Variants in TRMT11 observed in about 807,000 individuals in gnomAD.
The protein encoded by TRMT11 is tRNA (guanine(10)-N(2))-methyltransferase TRMT11.
TRMT11 carries 53 observed loss-of-function variants against 62.8 expected under a neutral mutation model. The observed-to-expected ratio is 0.84, with a 90% confidence interval of 0.68 to 1.06. The LOEUF is 1.06. Ranked by LOEUF, TRMT11 falls within the 50% of genes least tolerant of loss-of-function variation. TRMT11 has a pLI of 0.00. For missense variants in TRMT11, 556 were observed against 553.4 expected (o/e 1.00, Z -0.05); for synonymous variants, 188 against 190.3 (o/e 0.99, Z 0.10).
At chr6:126,252,969 TTA>T in the TRMT11 span, among the ~76,000 whole-genome samples, 1 of 152,184 alleles carries the variant, frequency 6.6e-6, no homozygotes, top group Non-Finnish European at 1.5e-5. Context: ...CTTTTGCAGT[TTA>T]TGTGTGTGTT....
chr6:126,195,533 T>C (rs1365875628), intron 1 of TRMT11, among the ~76,000 whole-genome samples: 1 of 152,232 alleles, frequency 6.6e-6, no homozygotes. Context: ...TCTGGCATTT[T>C]TCTGTCTGGG....
rs557443278 is a variant in TRMT11 at position 126,166,299 on chromosome 6, G to A, written c.*1824-8526G>A. On this transcript the variant is annotated intron_variant and NMD_transcript_variant, in intron 21 of 22. Transcript: ENST00000648977. ...TATCTACCTTTGGTCTTTGGTGTTG[G>A]AGGTCTTTGGATGGGGTTTTTGCAT... Among the ~76,000 whole-genome samples the A allele has an allele frequency of 3.9e-5, 6 of 152,196 alleles. No individual in the cohort carries two copies. The East Asian group carries it at 1.2e-3, about 29-fold the overall frequency.
chr6:126,011,518 T>A lies in TRMT11; in HGVS notation c.925+101T>A, dbSNP rs1022794302. 3.1e-6 allele frequency: 3 copies of A among 975,154 alleles called. No homozygotes were observed. In the African/African-American group the frequency reaches 5.0e-5, roughly 16 times the overall value. The allele number at this position is 975,154 out of a possible 1,614,324, so 60.4% of individuals were successfully genotyped here. A position where few individuals can be genotyped will look rare whatever the true frequency, so the allele number is the denominator to read the frequency against. On this transcript the variant is annotated intron_variant, in intron 9 of 12. Coordinates refer to ENST00000334379, the MANE Select transcript of TRMT11 (RefSeq NM_001031712.3). ...CCAACACATGCACAAAATGCCAACT[T>A]GTCAGTATTTCTCCCATCTACCCCC...
At chr6:126,075,449 C>T (rs1042514702) in intron 17 of TRMT11, among the ~76,000 whole-genome samples, 7 of 151,844 alleles carry the variant, frequency 4.6e-5, no homozygotes, top group African/African-American at 1.5e-4. Flanking sequence ...TCATGAGATC[C>T]GATTGTTTAA....
At chr6:126,087,190 A>G (rs965923681) in intron 17 of TRMT11, among the ~76,000 whole-genome samples, 5 of 152,252 alleles carry the variant, frequency 3.3e-5, no homozygotes, top group Non-Finnish European at 5.9e-5. Context: ...AACCGAATAC[A>G]CTGTTCTTCA....
intron 21 of TRMT11, among the ~76,000 whole-genome samples, chr6:126,164,361 C>A (rs1004541997): frequency 1.3e-5 from 2 of 152,036 alleles, no homozygotes; most frequent in Admixed American, 1.3e-4. Context: ...GATTTCTGTT[C>A]TTTTGCAGTT....
At chr6:126,272,173 A>G in the TRMT11 span, among the ~76,000 whole-genome samples, 2 of 152,210 alleles carry the variant, frequency 1.3e-5, no homozygotes, top group South Asian at 2.1e-4. Context: ...AATATTGTAT[A>G]TGGCGCTTGC....
chr6:126,172,782 T>C (rs2128236948), upstream of TRMT11, among the ~76,000 whole-genome samples: 1 of 152,290 alleles, frequency 6.6e-6, no homozygotes, highest in Middle Eastern at 3.4e-3. Context: ...ACTCACTGTT[T>C]CATAAGTTTT....
chr6:126,226,247 A>G, the TRMT11 span, among the ~76,000 whole-genome samples: 1 of 152,240 alleles, frequency 6.6e-6, no homozygotes, highest in Non-Finnish European at 1.5e-5. Context: ...TGTACTGGCT[A>G]ATATTTTAAA....
chr6:125,998,152 G>GT lies in TRMT11; in HGVS notation c.294+22dup, dbSNP rs1791895778. 2.5e-6 allele frequency: 4 copies of GT among 1,607,688 alleles called. No individual in the cohort carries two copies. The highest frequency in any genetic ancestry group is 3.4e-6 in the Non-Finnish European group (4 of 1,174,268). ...AGAAGATGGTGCGTAGTAAAATGTG[G>GT]TTTTATATAGGCATGCGTGCAGATT... On this transcript the variant is annotated intron_variant, in intron 4 of 12. Transcript: ENST00000334379.
the TRMT11 span, among the ~76,000 whole-genome samples, chr6:126,241,972 T>C: frequency 6.6e-6 from 1 of 152,156 alleles, no homozygotes; most frequent in Non-Finnish European, 1.5e-5. Flanking sequence ...GGTATTCCAT[T>C]AGGAAAAGAG....
chr6:126,010,409 A>G (rs751265634), intron 8 of TRMT11, among the ~76,000 whole-genome samples: 6 of 152,036 alleles, frequency 3.9e-5, no homozygotes, highest in Non-Finnish European at 8.8e-5. Context: ...CTTCTCCGTC[A>G]CACTGCATGT....
chr6:126,222,472 TC>T, the TRMT11 span, among the ~76,000 whole-genome samples: 7 of 152,186 alleles, frequency 4.6e-5, no homozygotes, highest in African/African-American at 1.7e-4. Context: ...CATTTCCATT[TC>T]CATTTGTTTC....
chr6:126,042,828 T>C (rs1208436911), downstream of TRMT11, among the ~76,000 whole-genome samples: 1 of 152,154 alleles, frequency 6.6e-6, no homozygotes, highest in Non-Finnish European at 1.5e-5. Flanking sequence ...ATGGTACTTA[T>C]GATATTGGAG....
intron 12 of TRMT11, among the ~76,000 whole-genome samples, chr6:126,024,602 A>G (rs531557691): frequency 1.2e-4 from 19 of 152,228 alleles, no homozygotes; most frequent in Non-Finnish European, 2.6e-4. Context: ...TCATTTATGC[A>G]TAATTACCTC....
intron 17 of TRMT11, among the ~76,000 whole-genome samples, chr6:126,054,464 T>C (rs1198704064): frequency 6.6e-6 from 1 of 152,180 alleles, no homozygotes; most frequent in Non-Finnish European, 1.5e-5. Context: ...GACTGACAGA[T>C]ACTTGCTCCA....
chr6:126,228,139 G>T, the TRMT11 span, among the ~76,000 whole-genome samples: 9 of 152,200 alleles, frequency 5.9e-5, no homozygotes, highest in Non-Finnish European at 1.0e-4. Context: ...GCCCAGCTCT[G>T]GGGTGAAGCT....
intron 17 of TRMT11, among the ~76,000 whole-genome samples, chr6:126,062,887 C>T (rs1008548518): frequency 6.6e-6 from 1 of 152,124 alleles, no homozygotes; most frequent in African/African-American, 2.4e-5. Flanking sequence ...TAACATATAG[C>T]TCCTATCCTA....
chr6:126,256,600 A>T, the TRMT11 span, among the ~76,000 whole-genome samples: 1 of 152,196 alleles, frequency 6.6e-6, no homozygotes, highest in Non-Finnish European at 1.5e-5. Flanking sequence ...CACTCAAAAT[A>T]CAATAATGGA....
Sources: allele counts gnomAD v4.1 joint callset (sites outside exome capture counted in the v4.1 genomes callset), GRCh38; gene constraint gnomAD v4.1.1; transcripts MANE v1.5; gene names NCBI Gene and HGNC (gene_info 2026-07-23, HGNC 2026-07-21).